HPSE2: variants seen among roughly 807,000 people sequenced by gnomAD.
HPSE2 encodes the protein inactive heparanase-2.
A neutral mutation model predicts 60.5 loss-of-function variants in HPSE2; 38 were observed. That is an observed-to-expected ratio of 0.63 (90% confidence interval 0.48 to 0.82). The LOEUF is 0.82. HPSE2 is among the 40% of genes least tolerant of loss of function. The pLI, the probability that HPSE2 is intolerant of heterozygous loss-of-function variation, is 0.00. For missense variants in HPSE2, 713 were observed against 740.4 expected, an observed-to-expected ratio of 0.96 and a Z score of 0.43; for synonymous variants, 295 against 293.2, an observed-to-expected ratio of 1.01 and a Z score of -0.06.
rs142269397 is a variant in HPSE2, at chr10:98,479,922, T to C, written c.1613+2714A>G. ...ATTTGACAGTGAAGGAAGCTCAGGT[T>C]TGATCACAAAGATAAATGGTAGCAT... On this transcript the variant is annotated intron_variant, in intron 11 of 11. Transcript: ENST00000370552. Among the ~76,000 whole-genome samples, 97 of 152,324 alleles carry C rather than the reference T, an allele frequency of 6.4e-4. 2 individuals carry two copies. The highest frequency in any genetic ancestry group is 2.2e-3 in the African/African-American group (91 of 41,576).
At chr10:98,965,265 T>G (rs1955784803) in intron 3 of HPSE2, among the ~76,000 whole-genome samples, 1 of 152,166 alleles carries the variant, frequency 6.6e-6, no homozygotes, top group Admixed American at 6.6e-5. Flanking sequence ...TTGGGGATTA[T>G]TTGTAAGAAA....
chr10:98,686,733 T>G (rs1301323617), intron 6 of HPSE2, among the ~76,000 whole-genome samples: 1 of 152,224 alleles, frequency 6.6e-6, no homozygotes, highest in Non-Finnish European at 1.5e-5. Flanking sequence ...ATTTAGGCAT[T>G]TTATAGATAT....
At chr10:98,545,860 A>C (rs1943654538) in intron 9 of HPSE2, among the ~76,000 whole-genome samples, 1 of 150,472 alleles carries the variant, frequency 6.6e-6, no homozygotes, top group Admixed American at 6.7e-5. Context: ...AGGAAGTCAA[A>C]CTGTCCCTGT....
At chr10:98,909,835 G>C (rs1953931161) in intron 3 of HPSE2, among the ~76,000 whole-genome samples, 1 of 151,808 alleles carries the variant, frequency 6.6e-6, no homozygotes, top group Admixed American at 6.6e-5. Context: ...ACACATAAAA[G>C]TTTAGTAAAC....
chr10:98,633,335 T>C (rs563089807), intron 7 of HPSE2, among the ~76,000 whole-genome samples: 1 of 152,224 alleles, frequency 6.6e-6, no homozygotes, highest in South Asian at 2.1e-4. Flanking sequence ...AAGTAGCTAG[T>C]ATCACAGGCA....
chr10:99,307,860 A>G, the HPSE2 span, among the ~76,000 whole-genome samples: 1 of 151,864 alleles, frequency 6.6e-6, no homozygotes, highest in Non-Finnish European at 1.5e-5. Flanking sequence ...ACACACACAC[A>G]CACACACAAA....
At chr10:98,811,894 T>A (rs1328457087) in intron 3 of HPSE2, among the ~76,000 whole-genome samples, 2 of 152,150 alleles carry the variant, frequency 1.3e-5, no homozygotes, top group Non-Finnish European at 2.9e-5. Flanking sequence ...TTTGTTAGAG[T>A]TATACCTAGT....
chr10:99,254,113 G>A, the HPSE2 span, among the ~76,000 whole-genome samples: 9 of 152,158 alleles, frequency 5.9e-5, no homozygotes, highest in South Asian at 2.1e-4. Flanking sequence ...ATATGCACTC[G>A]CATGTTCATG....
intron 5 of HPSE2, among the ~76,000 whole-genome samples, chr10:98,715,541 CCA>C (rs1460573006): frequency 6.6e-6 from 1 of 151,754 alleles, no homozygotes. Context: ...TACAGGCATA[CCA>C]CAGAGGTATT....
At chr10:99,087,463 A>G (rs1843361930) in intron 3 of HPSE2, among the ~76,000 whole-genome samples, 2 of 152,248 alleles carry the variant, frequency 1.3e-5, no homozygotes, top group Admixed American at 6.5e-5. Context: ...ATCTAAGGCC[A>G]GACTATGGTC....
chr10:99,203,256 T>C (rs1047708426), intron 2 of HPSE2, among the ~76,000 whole-genome samples: 4 of 151,710 alleles, frequency 2.6e-5, no homozygotes, highest in African/African-American at 9.7e-5. Flanking sequence ...CCCAGTGACA[T>C]GAGATCCTAG....
At chr10:99,002,306 A>G (rs1181238391) in intron 3 of HPSE2, among the ~76,000 whole-genome samples, 1 of 152,136 alleles carries the variant, frequency 6.6e-6, no homozygotes, top group Non-Finnish European at 1.5e-5. Flanking sequence ...GAGGTGGAGC[A>G]TAACTCTCCA....
the HPSE2 span, among the ~76,000 whole-genome samples, chr10:99,265,174 C>T: frequency 6.6e-5 from 10 of 152,294 alleles, no homozygotes; most frequent in African/African-American, 1.4e-4. Context: ...TATTCTCCCT[C>T]GCCCTTAAGA....
chr10:98,902,429 T>A (rs1953692408), intron 3 of HPSE2, among the ~76,000 whole-genome samples: 1 of 152,182 alleles, frequency 6.6e-6, no homozygotes, highest in African/African-American at 2.4e-5. Flanking sequence ...GGTAACTTTA[T>A]CACCATGTTA....
At chr10:98,482,140 C>T (rs751122429) in intron 11 of HPSE2, among the ~76,000 whole-genome samples, 4 of 152,026 alleles carry the variant, frequency 2.6e-5, no homozygotes, top group African/African-American at 9.7e-5. Flanking sequence ...TATCTCTGAC[C>T]TTTTGAGCAC....
At chr10:99,002,118 A>G (rs1221991148) in intron 3 of HPSE2, among the ~76,000 whole-genome samples, 1 of 152,196 alleles carries the variant, frequency 6.6e-6, no homozygotes, top group Non-Finnish European at 1.5e-5. Flanking sequence ...CAACTGAAAG[A>G]GCTCCACATA....
chr10:98,977,830 T>C (rs1258634736), intron 3 of HPSE2, among the ~76,000 whole-genome samples: 1 of 151,716 alleles, frequency 6.6e-6, no homozygotes, highest in African/African-American at 2.4e-5. Flanking sequence ...GAAAGTGCTA[T>C]GTATCTTATA....
chr10:98,909,244 T>A (rs868517843), intron 3 of HPSE2, among the ~76,000 whole-genome samples: 4 of 152,150 alleles, frequency 2.6e-5, no homozygotes, highest in Non-Finnish European at 5.9e-5. Context: ...ACTGATAAGG[T>A]AATTTCTGTA....
chr10:98,617,773 T>A (rs1272500845), intron 8 of HPSE2, among the ~76,000 whole-genome samples: 2 of 152,204 alleles, frequency 1.3e-5, no homozygotes, highest in African/African-American at 2.4e-5. Context: ...GAATATCTAC[T>A]ATGTACCAGA....
Sources: gnomAD v4.1 joint callset for allele counts (sites outside exome capture counted in the v4.1 genomes callset) on GRCh38, gnomAD v4.1.1 for gene constraint, MANE v1.5 for transcripts, NCBI Gene and HGNC (gene_info 2026-07-23, HGNC 2026-07-21) for gene names.